Variants in LYZL2 observed in about 807,000 individuals in gnomAD.
The protein encoded by LYZL2 is lysozyme like 2, also known as lysozyme-like protein 2.
A neutral mutation model predicts 17.1 loss-of-function variants in LYZL2; 13 were observed. The observed-to-expected ratio is 0.76, with a 90% confidence interval of 0.49 to 1.21. LYZL2 has a LOEUF of 1.21. Ranked by LOEUF, LYZL2 falls within the 50% of genes most tolerant of loss-of-function variation. The pLI, the probability that LYZL2 is intolerant of heterozygous loss-of-function variation, is 0.00. For synonymous variants in LYZL2, 63 were observed against 74.4 expected, an observed-to-expected ratio of 0.85 and a Z score of 0.79; for missense variants, 166 against 189.2, an observed-to-expected ratio of 0.88 and a Z score of 0.72.
chr10:30,624,672 A>G (rs939962600), intron 3 of LYZL2, among the ~76,000 whole-genome samples: 1 of 152,246 alleles, frequency 6.6e-6, no homozygotes, highest in African/African-American at 2.4e-5. Context: ...GGCTAGAACT[A>G]CAGGCATATG....
rs921955094 is a variant in LYZL2 at position 30,617,968 on chromosome 10, T to G, written c.299-5068A>C. On this transcript the variant is annotated intron_variant, in intron 3 of 4. Transcript: ENST00000647634. Reference sequence around the variant, plus strand: ...AATCTCCTTAAGCTGATAAGCAACTTCAGCAAAGTCTCAGGATACAAAATC... The same window carrying G: ...AATCTCCTTAAGCTGATAAGCAACTGCAGCAAAGTCTCAGGATACAAAATC... Among the ~76,000 whole-genome samples the G allele has an allele frequency of 1.7e-3, 259 of 152,050 alleles. 2 individuals are homozygous for G. The highest frequency in any genetic ancestry group is 5.8e-3 in the African/African-American group (241 of 41,476).
At chr10:30,614,802 A>G (rs1300336615) in intron 3 of LYZL2, among the ~76,000 whole-genome samples, 1 of 152,186 alleles carries the variant, frequency 6.6e-6, no homozygotes, top group Non-Finnish European at 1.5e-5. Flanking sequence ...TTATCCTTTC[A>G]CCTAATAATT....
At chr10:30,620,135 C>G (rs1564408611) in intron 3 of LYZL2, among the ~76,000 whole-genome samples, 1 of 152,144 alleles carries the variant, frequency 6.6e-6, no homozygotes, top group Non-Finnish European at 1.5e-5. Flanking sequence ...CAGCGTGAGG[C>G]CACTGCTGTT....
chr10:30,610,647 T>C (rs556082943), downstream of LYZL2, among the ~76,000 whole-genome samples: 1 of 152,266 alleles, frequency 6.6e-6, no homozygotes, highest in South Asian at 2.1e-4. Flanking sequence ...TGCCCAGGCT[T>C]GTCTTGAACT....
chr10:30,618,801 G>A (rs1838574967), intron 3 of LYZL2, among the ~76,000 whole-genome samples: 1 of 152,168 alleles, frequency 6.6e-6, no homozygotes, highest in Admixed American at 6.5e-5. Context: ...AAAAGCAATG[G>A]CAACAAAAGC....
At chr10:30,629,498 T>A in intron 1 of LYZL2, 95 bp downstream of exon 1, 1 of 1,241,402 alleles carries the variant, frequency 8.1e-7, no homozygotes. Flanking sequence ...CCCGTAGCAA[T>A]GATAACCCCA....
intron 2 of LYZL2, 102 bp downstream of exon 2, chr10:30,626,675 C>G (rs1437195456): frequency 5.8e-6 from 9 of 1,557,942 alleles, no homozygotes; most frequent in Non-Finnish European, 7.8e-6. Context: ...GAGGGCAGAG[C>G]AGGGGTAGTT....
rs377632912 is a variant in LYZL2 at position 30,626,273 on chromosome 10, G to A, written c.140-10C>T. On this transcript the variant is annotated splice_polypyrimidine_tract_variant and intron_variant, in intron 2 of 4. Coordinates refer to ENST00000647634, the MANE Select transcript of LYZL2 (RefSeq NM_183058.3). The stretch of plus-strand genomic sequence containing the variant: ...TACGCCATGCAGATCCCTGGAGGGG[G>A]GAAAGCCAGAAACGCCAGCAAAGGA... 1 of 1,612,250 alleles carries A rather than the reference G, an allele frequency of 6.2e-7. No individual in the cohort carries two copies. Among genetic ancestry groups the A allele is most frequent in the African/African-American group, 1.3e-5 (1 of 74,874 alleles).
intron 3 of LYZL2, among the ~76,000 whole-genome samples, chr10:30,617,680 A>AAAAAAAAAAAAAAAAAAAG (rs1588674892): frequency 1.8e-4 from 22 of 119,652 alleles, no homozygotes; most frequent in East Asian, 6.4e-4. Context: ...GTCTCAAAAA[A>AAAAAAAAAAAAAAAAAAAG]AAAAAAAAAA....
chr10:30,612,793 GC>G (rs3832672), intron 4 of LYZL2, 28 bp downstream of exon 4: 869,398 of 1,568,796 alleles, frequency 0.55, 249,621 homozygotes, highest in Non-Finnish European at 0.58. Flanking sequence ...GCCCATGACA[GC>G]CCAAGTCTTC....
chr10:30,611,718 G>GAAAGAAAGAAAGAAAGAAAGA (rs1554785015), downstream of LYZL2: 18 of 467,136 alleles, frequency 3.9e-5, no homozygotes, highest in African/African-American at 4.1e-4. Flanking sequence ...AAGAAAGAAA[G>GAAAGAAAGAAAGAAAGAAAGA]AAAGAAAAGA....
intron 3 of LYZL2, among the ~76,000 whole-genome samples, chr10:30,624,110 G>A (rs1838666383): frequency 6.6e-6 from 1 of 152,238 alleles, no homozygotes; most frequent in South Asian, 2.1e-4. Context: ...TTGTGAGAGA[G>A]GGTGCATGGG....
chr10:30,623,794 A>G (rs768767011), intron 3 of LYZL2, among the ~76,000 whole-genome samples: 29 of 152,178 alleles, frequency 1.9e-4, no homozygotes, highest in Non-Finnish European at 8.8e-5. Flanking sequence ...AAAGTGGACA[A>G]TAAGTGTAAT....
downstream of LYZL2, among the ~76,000 whole-genome samples, chr10:30,607,572 C>A (rs910596138): frequency 1.5e-4 from 23 of 152,100 alleles, no homozygotes; most frequent in African/African-American, 5.6e-4. Context: ...TCCCCTGTTC[C>A]GTTTCCCTGA....
In LYZL2 at chr10:30,629,737, T is replaced by C. The variant is rs774160221; in HGVS notation, c.-170A>G. Reference sequence around the variant, plus strand: ...AAGCCATGTCTGATTCTAACAAGGCTCGAGTAATCCTTTCCTAGCTCAAGA... The same window carrying C: ...AAGCCATGTCTGATTCTAACAAGGCCCGAGTAATCCTTTCCTAGCTCAAGA... On this transcript the variant is annotated 5_prime_UTR_variant, in exon 1 of 5. Coordinates refer to ENST00000647634, the MANE Select transcript of LYZL2 (RefSeq NM_183058.3). The C allele has an allele frequency of 1.4e-6, 2 of 1,470,562 alleles. No individual in the cohort carries two copies. Among genetic ancestry groups the C allele is most frequent in the South Asian group, 2.5e-5 (2 of 80,518 alleles). 91.1% of individuals were successfully genotyped at this position (1,470,562 alleles called of 1,614,324 possible).
intron 3 of LYZL2, among the ~76,000 whole-genome samples, chr10:30,624,613 A>G (rs552209705): frequency 6.6e-6 from 1 of 152,330 alleles, no homozygotes; most frequent in African/African-American, 2.4e-5. Context: ...TTTATGATAC[A>G]GGAGGTAAAA....
intron 3 of LYZL2, among the ~76,000 whole-genome samples, chr10:30,622,680 G>T (rs1462313890): frequency 6.6e-6 from 1 of 152,278 alleles, no homozygotes; most frequent in East Asian, 1.9e-4. Context: ...AGTCTTATTG[G>T]AACACAGCCA....
chr10:30,626,219 G>A lies in LYZL2; in HGVS notation c.184C>T (p.Gln62Ter), dbSNP rs1402553109. 1 of 1,614,228 alleles carries A rather than the reference G, an allele frequency of 6.2e-7. No individual in the cohort carries two copies. Among genetic ancestry groups the A allele is most frequent in the Non-Finnish European group, 8.5e-7 (1 of 1,180,034 alleles). The stretch of plus-strand genomic sequence containing the variant: ...ATGCTGCCGTCATCCAGGACCGTCT[G>A]GGCTGTGGTGTTGTAGCCGCTCTCA... ...YYESGYNTTA[Q>*]TVLDDGSIDY... is the part of the protein sequence containing the mutation. Residue 62 changes from glutamine (Q) to a stop codon, truncating the protein, a stop_gained, in exon 3 of 5, where the codon CAG (glutamine) becomes TAG (stop). Transcript: ENST00000647634. LOFTEE classifies it high-confidence loss of function.
chr10:30,616,856 G>C (rs1215555195), intron 3 of LYZL2, among the ~76,000 whole-genome samples: 6 of 151,886 alleles, frequency 4.0e-5, no homozygotes, highest in Admixed American at 2.0e-4. Flanking sequence ...TAATAAAGTT[G>C]ATAATGAAAA....
Sources: gnomAD v4.1 joint callset for allele counts (sites outside exome capture counted in the v4.1 genomes callset) on GRCh38, gnomAD v4.1.1 for gene constraint, MANE v1.5 for transcripts, NCBI Gene and HGNC (gene_info 2026-07-23, HGNC 2026-07-21) for gene names.